The following MICALL2 variants were observed in gnomAD, a reference collection of about 807,000 sequenced individuals.
MICALL2 encodes the protein MICAL like 2, also known as MICAL-like protein 2.
A neutral mutation model predicts 91.1 loss-of-function variants in MICALL2; 111 were observed. The ratio of observed to expected loss-of-function variants is 1.22; its 90% confidence interval spans 1.04 to 1.43. MICALL2 has a LOEUF of 1.43. Among genes scored for constraint, MICALL2 ranks in the 40% most tolerant of loss-of-function variants. The pLI, the probability that MICALL2 is intolerant of heterozygous loss-of-function variation, is 0.00. For missense variants in MICALL2, 1,556 were observed against 1,236.0 expected, an observed-to-expected ratio of 1.26 and a Z score of -3.88; for synonymous variants, 694 against 525.3, an observed-to-expected ratio of 1.32 and a Z score of -4.39.
intron 16 of MICALL2, 43 bp downstream of exon 16, chr7:1,435,058 C>T: frequency 6.2e-7 from 1 of 1,607,176 alleles, no homozygotes; most frequent in Non-Finnish European, 8.5e-7. Flanking sequence ...CCCCGGCCCA[C>T]CCAGCCAGCC....
At chr7:1,447,879 G>C (rs1413475989) in intron 3 of MICALL2, 114 bp from the exon 4 acceptor site, 1 of 834,870 alleles carries the variant, frequency 1.2e-6, no homozygotes, top group Non-Finnish European at 1.7e-6. Context: ...GGGACCTGGG[G>C]GCCCAGGGCT....
chr7:1,453,232 G>T (rs1780899400), intron 1 of MICALL2, among the ~76,000 whole-genome samples: 1 of 152,140 alleles, frequency 6.6e-6, no homozygotes, highest in African/African-American at 2.4e-5. Flanking sequence ...CTGGAGGTGA[G>T]AATTCATTTT....
chr7:1,454,183 T>C (rs1421655453), intron 1 of MICALL2, among the ~76,000 whole-genome samples: 1 of 136,236 alleles, frequency 7.3e-6, no homozygotes, highest in African/African-American at 2.8e-5. Flanking sequence ...GGCGGGGGGG[T>C]GCAGGACTTG....
At chr7:1,454,782 C>T (rs1198784511) in intron 1 of MICALL2, among the ~76,000 whole-genome samples, 1 of 152,118 alleles carries the variant, frequency 6.6e-6, no homozygotes, top group Non-Finnish European at 1.5e-5. Context: ...GTGGGGGCCT[C>T]TGCGTGAGTC....
At chr7:1,447,836 C>G in intron 3 of MICALL2, 71 bp from the exon 4 acceptor site, 2 of 1,229,470 alleles carry the variant, frequency 1.6e-6, no homozygotes, top group Non-Finnish European at 2.2e-6. Flanking sequence ...CTCCAGAGGT[C>G]CCAGTGCCCA....
At chr7:1,448,303 C>A (rs1427844766) in intron 3 of MICALL2, among the ~76,000 whole-genome samples, 1 of 152,252 alleles carries the variant, frequency 6.6e-6, no homozygotes, top group Non-Finnish European at 1.5e-5. Context: ...CCATGAGGGG[C>A]AGGGCGGCAG....
At chr7:1,443,355 A>G (rs947504533) in intron 6 of MICALL2, among the ~76,000 whole-genome samples, 1 of 151,754 alleles carries the variant, frequency 6.6e-6, no homozygotes, top group Non-Finnish European at 1.5e-5. Context: ...CCTGCTGACC[A>G]CTGCGGGGGC....
Position 1,447,659 on chromosome 7 carries a change from G to C in MICALL2, c.441C>G (p.Ala147=). Reference sequence around the variant, plus strand: ...GGGCTGGAGATAGTGGAGGCTTCCGGGCTGGGGCGGGCGAGGGCAGCTTGG... The same window carrying C: ...GGGCTGGAGATAGTGGAGGCTTCCGCGCTGGGGCGGGCGAGGGCAGCTTGG... The part of the protein sequence containing the change: ...QAAKLPSPAP[A]RKPPLSPAQT... Residue 147 remains alanine, a synonymous_variant, in exon 4 of 17, where the codon GCC becomes GCG. Transcript: ENST00000297508. 1 of 1,589,280 alleles carries C rather than the reference G, an allele frequency of 6.3e-7. No homozygotes were observed. The highest frequency in any genetic ancestry group is 1.8e-5 in the Admixed American group (1 of 56,686).
intron 2 of MICALL2, 65 bp from the exon 3 acceptor site, chr7:1,448,826 G>A (rs1780709404): frequency 1.9e-6 from 3 of 1,581,796 alleles, no homozygotes; most frequent in Non-Finnish European, 1.7e-6. Flanking sequence ...CCAGGCCGCA[G>A]CTCACCTCGA....
In MICALL2 at chr7:1,434,472, G is replaced by T. The variant is rs1779857402; in HGVS notation, c.*124C>A. On this transcript the variant is annotated 3_prime_UTR_variant, in exon 17 of 17. Transcript: ENST00000297508. ...GCCCTTCCCGAGTCCAAGTCCGAAT[G>T]CCGGGTCCGGGCCGAGCCCACGGCC... The T allele has an allele frequency of 1.2e-6, 1 of 844,546 alleles. No homozygotes were observed. The allele number at this position is 844,546 out of a possible 1,614,324, so 52.3% of individuals were successfully genotyped here.
Position 1,437,519 on chromosome 7 carries a change from C to T in MICALL2, c.2476+16G>A, listed in dbSNP as rs1780031878. On this transcript the variant is annotated intron_variant, in intron 14 of 16. Transcript: ENST00000297508. Reference sequence around the variant, plus strand: ...TCCCTGGCTGGGGCCCCTTGGCTGGCGCGCGGGGGACGCACCGGGCTTGGC... The same window carrying T: ...TCCCTGGCTGGGGCCCCTTGGCTGGTGCGCGGGGGACGCACCGGGCTTGGC... The T allele has an allele frequency of 1.6e-5, 24 of 1,501,768 alleles. No individual in the cohort carries two copies. Among genetic ancestry groups the T allele is most frequent in the Non-Finnish European group, 1.9e-5 (22 of 1,138,306 alleles). 93.0% of individuals were successfully genotyped at this position (1,501,768 alleles called of 1,614,324 possible).
At chr7:1,456,565 G>A (rs1207714099) in intron 1 of MICALL2, among the ~76,000 whole-genome samples, 4 of 152,220 alleles carry the variant, frequency 2.6e-5, no homozygotes, top group South Asian at 2.1e-4. Context: ...CAGCCTGGGC[G>A]ACAGAGCTAG....
chr7:1,437,700 A>G lies in MICALL2; in HGVS notation c.2403-92T>C, dbSNP rs1780042193. On this transcript the variant is annotated intron_variant, in intron 13 of 16. Coordinates refer to ENST00000297508, the MANE Select transcript of MICALL2 (RefSeq NM_182924.4). ...CGCAACGAGGTCCTGGACCTGCCAC[A>G]CAGACACGAGTCTGAGGCCTGACTC... 19 of 1,387,612 alleles carry G rather than the reference A, an allele frequency of 1.4e-5. 1 individual carries two copies. The South Asian group carries it at 2.1e-4, about 15-fold the overall frequency. The allele number at this position is 1,387,612 out of a possible 1,614,324, so 86.0% of individuals were successfully genotyped here. A position where few individuals can be genotyped will look rare whatever the true frequency, so the allele number is the denominator to read the frequency against.
At position 1,437,467 on chromosome 7, in the gene MICALL2, C is replaced by T. The variant is rs919942301; in HGVS notation, c.2476+68G>A. The T allele has an allele frequency of 3.6e-6, 5 of 1,382,714 alleles. No individual in the cohort carries two copies. In the African/African-American group the frequency reaches 6.1e-5, roughly 17 times the overall value. 85.7% of individuals were successfully genotyped at this position (1,382,714 alleles called of 1,614,324 possible). A position where few individuals can be genotyped will look rare whatever the true frequency, so the allele number is the denominator to read the frequency against. On this transcript the variant is annotated intron_variant, in intron 14 of 16. Transcript: ENST00000297508. ...CAGTCAGGTGGCCTCACAGAGCCGG[C>T]CCCCAGACATCCTGGGCTCCGCGGC...
intron 6 of MICALL2, among the ~76,000 whole-genome samples, chr7:1,443,630 G>A (rs187638151): frequency 1.8e-4 from 27 of 152,270 alleles, no homozygotes; most frequent in African/African-American, 6.0e-4. Flanking sequence ...AGAGACAGAA[G>A]AGGAGAAGAC....
At chr7:1,457,794 C>A (rs59536285) in intron 1 of MICALL2, among the ~76,000 whole-genome samples, 1 of 152,064 alleles carries the variant, frequency 6.6e-6, no homozygotes, top group African/African-American at 2.4e-5. Context: ...AGAGGCTTTT[C>A]GGGCTGGCCC....
At chr7:1,453,389 C>A (rs1326515555) in intron 1 of MICALL2, among the ~76,000 whole-genome samples, 1 of 152,120 alleles carries the variant, frequency 6.6e-6, no homozygotes, top group Admixed American at 6.5e-5. Flanking sequence ...AAGACGGCCA[C>A]CCCAGAGCCA....
chr7:1,459,150 G>C, intron 1 of MICALL2, 34 bp downstream of exon 1: 1 of 1,587,832 alleles, frequency 6.3e-7, no homozygotes, highest in Non-Finnish European at 8.6e-7. Context: ...CAGCCGAACA[G>C]CAGAAGAATC....
chr7:1,440,505 G>A (rs535656244), intron 8 of MICALL2, 86 bp downstream of exon 8: 38 of 1,197,594 alleles, frequency 3.2e-5, no homozygotes, highest in South Asian at 1.5e-4. Context: ...CTGGATAGGC[G>A]TGTCAATCGG....
Sources: gnomAD v4.1 joint callset for allele counts (sites outside exome capture counted in the v4.1 genomes callset) on GRCh38, gnomAD v4.1.1 for gene constraint, MANE v1.5 for transcripts, NCBI Gene and HGNC (gene_info 2026-07-23, HGNC 2026-07-21) for gene names.